ZNF385C: variants seen among roughly 807,000 people sequenced by gnomAD.
ZNF385C encodes CTD-2132N18.2.
A neutral mutation model predicts 35.4 loss-of-function variants in ZNF385C; 28 were observed. The observed-to-expected ratio is 0.79, with a 90% confidence interval of 0.59 to 1.08. The LOEUF is 1.08. Ranked by LOEUF, ZNF385C falls within the 50% of genes least tolerant of loss-of-function variation. The pLI is 0.00. For synonymous variants in ZNF385C, 248 were observed against 248.2 expected (o/e 1.00, Z 0.01); for missense variants, 605 against 595.6 (o/e 1.02, Z -0.16).
rs1429783741 is a variant in ZNF385C, at chr17:42,028,963, A to G, written c.787T>C (p.Ser263Pro). 6.4e-7 allele frequency: 1 copy of G among 1,550,502 alleles called. No homozygotes were observed. Among genetic ancestry groups the G allele is most frequent in the African/African-American group, 1.4e-5 (1 of 73,060 alleles). ...ELLDAASSSS[S>P]SSCPPCSPEP... is the part of the protein sequence containing the mutation. Reference sequence around the variant, plus strand: ...GGGGAGCAAGGTGGGCAGGAGGAAGAAGAGGATGAGGAGGCAGCATCCAAG... The same window carrying G: ...GGGGAGCAAGGTGGGCAGGAGGAAGGAGAGGATGAGGAGGCAGCATCCAAG... Residue 263 changes from serine to proline, a missense_variant, in exon 6 of 9, where the codon TCT becomes CCT. Transcript: ENST00000692273.
At chr17:42,072,681 G>T (rs2053641920) in intron 1 of ZNF385C, among the ~76,000 whole-genome samples, 2 of 152,178 alleles carry the variant, frequency 1.3e-5, no homozygotes, top group East Asian at 1.9e-4. Flanking sequence ...CTCCGAGCCC[G>T]CCCCCGGGCG....
At chr17:42,034,482 G>C in intron 3 of ZNF385C, 147 bp from the exon 4 acceptor site, 1 of 623,828 alleles carries the variant, frequency 1.6e-6, no homozygotes, top group Non-Finnish European at 2.8e-6. Context: ...GTGGATGTTG[G>C]AAAGAGAAAC....
Position 42,075,892 on chromosome 17 carries a change from C to T in ZNF385C, c.-2-12834G>A, listed in dbSNP as rs573891341. Reference sequence around the variant, plus strand: ...TCTCTGCCCTCCTCTGTGAATGCTGCCCATCCCTCAGTTTTTCTTCAGCCT... The same window carrying T: ...TCTCTGCCCTCCTCTGTGAATGCTGTCCATCCCTCAGTTTTTCTTCAGCCT... On this transcript the variant is annotated intron_variant, in intron 1 of 8. Coordinates refer to ENST00000692273, the MANE Select transcript of ZNF385C (RefSeq NM_001392013.1). Among the ~76,000 whole-genome samples, 5 of 152,264 alleles carry T rather than the reference C, an allele frequency of 3.3e-5. No homozygotes were observed. The South Asian group carries it at 1.0e-3, about 32-fold the overall frequency.
intron 8 of ZNF385C, 130 bp from the exon 9 acceptor site, chr17:42,027,263 C>A (rs2052606354): frequency 1.3e-6 from 1 of 786,934 alleles, no homozygotes; most frequent in African/African-American, 1.7e-5. Flanking sequence ...AAATCCTCCT[C>A]CCTTCCCACC....
At chr17:42,048,941 CAAA>C (rs59106537) in intron 2 of ZNF385C, among the ~76,000 whole-genome samples, 42 of 144,816 alleles carry the variant, frequency 2.9e-4, no homozygotes, top group East Asian at 8.1e-4. Context: ...GACTCCATCT[CAAA>C]AAAAAAAAAA....
chr17:42,085,856 C>T (rs2053801580), intron 1 of ZNF385C, among the ~76,000 whole-genome samples: 1 of 151,850 alleles, frequency 6.6e-6, no homozygotes, highest in Non-Finnish European at 1.5e-5. Context: ...CTCGGCCTCC[C>T]AAAGTGCTGA....
At chr17:42,071,710 C>G (rs1372137968) in intron 1 of ZNF385C, among the ~76,000 whole-genome samples, 1 of 152,214 alleles carries the variant, frequency 6.6e-6, no homozygotes, top group Non-Finnish European at 1.5e-5. Flanking sequence ...GGAGACCCGC[C>G]GGCCCCATGC....
chr17:42,056,717 C>T (rs1298015704), intron 2 of ZNF385C, among the ~76,000 whole-genome samples: 1 of 152,166 alleles, frequency 6.6e-6, no homozygotes, highest in Non-Finnish European at 1.5e-5. Context: ...CCATACAGTT[C>T]TCATGGTACT....
At chr17:42,038,026 T>C in intron 2 of ZNF385C, 141 bp from the exon 3 acceptor site, 2 of 1,536,070 alleles carry the variant, frequency 1.3e-6, no homozygotes, top group South Asian at 1.2e-5. Context: ...GCCAGACCCA[T>C]AGTGATTATA....
chr17:42,058,594 G>A (rs1321316297), intron 2 of ZNF385C, among the ~76,000 whole-genome samples: 1 of 152,232 alleles, frequency 6.6e-6, no homozygotes, highest in Non-Finnish European at 1.5e-5. Context: ...CATCCAGGGC[G>A]GCTGAGGGGC....
intron 2 of ZNF385C, chr17:42,040,310 C>G: frequency 8.1e-7 from 1 of 1,231,724 alleles, no homozygotes; most frequent in Non-Finnish European, 1.0e-6. Context: ...CCGAGCAGCT[C>G]CACGCCGCGG....
At chr17:42,066,825 T>C (rs2053553196) in intron 1 of ZNF385C, among the ~76,000 whole-genome samples, 1 of 151,998 alleles carries the variant, frequency 6.6e-6, no homozygotes, top group South Asian at 2.1e-4. Flanking sequence ...TCCCAGCACT[T>C]TGGGAGGCCG....
intron 2 of ZNF385C, among the ~76,000 whole-genome samples, chr17:42,052,914 T>C (rs1446334390): frequency 1.3e-5 from 2 of 152,176 alleles, no homozygotes; most frequent in Non-Finnish European, 2.9e-5. Flanking sequence ...AGCACATGCC[T>C]GCACACAACA....
intron 4 of ZNF385C, among the ~76,000 whole-genome samples, chr17:42,033,998 C>T (rs2052786188): frequency 6.6e-6 from 1 of 152,078 alleles, no homozygotes; most frequent in African/African-American, 2.4e-5. Context: ...AATGGAATCC[C>T]ACTGGGCTAC....
chr17:42,070,905 C>T (rs2053615294), intron 1 of ZNF385C, among the ~76,000 whole-genome samples: 1 of 152,222 alleles, frequency 6.6e-6, no homozygotes, highest in African/African-American at 2.4e-5. Context: ...CACCCTGCCA[C>T]CTCCCCACTG....
intron 1 of ZNF385C, among the ~76,000 whole-genome samples, chr17:42,077,102 T>C (rs1376948940): frequency 6.6e-6 from 1 of 152,196 alleles, no homozygotes; most frequent in Admixed American, 6.5e-5. Flanking sequence ...CCTAGAACAG[T>C]GCCTGACACA....
At chr17:42,085,081 G>T (rs1428142676) in intron 1 of ZNF385C, among the ~76,000 whole-genome samples, 2 of 152,156 alleles carry the variant, frequency 1.3e-5, no homozygotes, top group African/African-American at 4.8e-5. Context: ...CAGATCACCT[G>T]AGGCCAGGAG....
Position 42,027,080 on chromosome 17 carries a change from C to A in ZNF385C, c.1329G>T (p.Leu443=). ...TGGCTGCGGTGGGGAGCGGGCTGGG[C>A]AGGAAGCGGGCTGCCAACGTCTTGG... ...QLTKTLAARF[L]PSPLPTAATA... is the part of the protein sequence containing the mutation. Residue 443 remains leucine, a synonymous_variant, in exon 9 of 9, where the codon CTG becomes CTT. Transcript: ENST00000692273. 6.2e-7 allele frequency: 1 copy of A among 1,611,364 alleles called. No homozygotes were observed. The highest frequency in any genetic ancestry group is 8.5e-7 in the Non-Finnish European group (1 of 1,178,820).
chr17:42,040,052 A>G (rs1458639239), intron 2 of ZNF385C: 18 of 1,231,050 alleles, frequency 1.5e-5, no homozygotes, highest in East Asian at 3.2e-5. Context: ...AACAGCGCGA[A>G]GTCGCCCAGC....
Sources: gnomAD v4.1 joint callset for allele counts (sites outside exome capture counted in the v4.1 genomes callset) on GRCh38, gnomAD v4.1.1 for gene constraint, MANE v1.5 for transcripts, NCBI Gene and HGNC (gene_info 2026-07-23, HGNC 2026-07-21) for gene names.